The following TMEM217B variants were observed in gnomAD, a reference collection of about 807,000 sequenced individuals.
The protein encoded by TMEM217B is putative transmembrane protein 217B.
chr6:37,218,379 C>G, the TMEM217B span: 1 of 1,436,638 alleles, frequency 7.0e-7, no homozygotes, highest in Non-Finnish European at 9.4e-7. Context: ...CCATGGCTGC[C>G]AAGGCCAGGC....
the TMEM217B span, among the ~76,000 whole-genome samples, chr6:37,222,388 G>A: frequency 9.2e-5 from 14 of 152,240 alleles, no homozygotes; most frequent in Admixed American, 9.2e-4. Flanking sequence ...GAGAGGCCAG[G>A]CAGCGGGAGC....
chr6:37,228,896 C>CCGA, the TMEM217B span, among the ~76,000 whole-genome samples: 3 of 151,444 alleles, frequency 2.0e-5, no homozygotes. Context: ...ACTCAGGAGG[C>CCGA]CGAGGCAGGA....
chr6:37,243,668 G>A, the TMEM217B span, among the ~76,000 whole-genome samples: 3 of 152,030 alleles, frequency 2.0e-5, no homozygotes, highest in African/African-American at 7.2e-5. Flanking sequence ...GCATGATCTC[G>A]GCTCACTGCA....
the TMEM217B span, among the ~76,000 whole-genome samples, chr6:37,230,036 G>T: frequency 1.8e-3 from 281 of 152,320 alleles, 1 homozygote; most frequent in Middle Eastern, 6.8e-3. Context: ...GTAGAACAAA[G>T]ATCCCTACTT....
At chr6:37,214,107 TA>T in the TMEM217B span, among the ~76,000 whole-genome samples, 1 of 152,186 alleles carries the variant, frequency 6.6e-6, no homozygotes, top group African/African-American at 2.4e-5. Context: ...CCAAATACAG[TA>T]AAATATACAG....
the TMEM217B span, chr6:37,218,121 A>G: frequency 9.8e-4 from 1,029 of 1,052,848 alleles, 10 homozygotes; most frequent in African/African-American, 0.015. Context: ...TCTTATGGGA[A>G]AGAAAAGGGC....
the TMEM217B span, among the ~76,000 whole-genome samples, chr6:37,216,287 C>T: frequency 2.9e-4 from 44 of 152,064 alleles, no homozygotes; most frequent in African/African-American, 9.4e-4. Flanking sequence ...CCATGTTGGC[C>T]AGGCTGGTCT....
chr6:37,234,028 T>C, the TMEM217B span, among the ~76,000 whole-genome samples: 1 of 152,166 alleles, frequency 6.6e-6, no homozygotes, highest in East Asian at 1.9e-4. Context: ...AGTAGGCTAA[T>C]GTAAGTGTTC....
chr6:37,215,114 C>G, the TMEM217B span: 11 of 1,568,514 alleles, frequency 7.0e-6, no homozygotes, highest in South Asian at 1.3e-4. Flanking sequence ...GCACCTCTCT[C>G]TTGGGTCACT....
the TMEM217B span, among the ~76,000 whole-genome samples, chr6:37,227,350 T>C: frequency 6.6e-6 from 1 of 152,230 alleles, no homozygotes; most frequent in Non-Finnish European, 1.5e-5. Context: ...TTTCTCTCTC[T>C]TTCCTAGTTC....
the TMEM217B span, among the ~76,000 whole-genome samples, chr6:37,237,985 T>G: frequency 0.011 from 1,740 of 152,224 alleles, 37 homozygotes; most frequent in African/African-American, 0.039. Context: ...AGATGCAAAT[T>G]GCTGACCAGA....
At chr6:37,228,262 G>C in the TMEM217B span, among the ~76,000 whole-genome samples, 1 of 152,190 alleles carries the variant, frequency 6.6e-6, no homozygotes. Context: ...AAAGTTACTA[G>C]GGAGTAGTAG....
the TMEM217B span, chr6:37,212,938 C>G: frequency 2.6e-6 from 4 of 1,550,076 alleles, no homozygotes; most frequent in African/African-American, 5.5e-5. Flanking sequence ...AGAGAAGATG[C>G]CCACCATGAG....
At chr6:37,246,968 C>G in the TMEM217B span, among the ~76,000 whole-genome samples, 1 of 151,812 alleles carries the variant, frequency 6.6e-6, no homozygotes, top group East Asian at 1.9e-4. Flanking sequence ...CAGTACCTAT[C>G]AGGCATGGTT....
the TMEM217B span, among the ~76,000 whole-genome samples, chr6:37,250,316 G>A: frequency 1.3e-5 from 2 of 151,992 alleles, no homozygotes; most frequent in African/African-American, 4.8e-5. Context: ...TAAGGTATTG[G>A]TAATATCCTG....
At chr6:37,228,636 G>A in the TMEM217B span, among the ~76,000 whole-genome samples, 33 of 152,062 alleles carry the variant, frequency 2.2e-4, no homozygotes, top group African/African-American at 7.0e-4. Flanking sequence ...CCTGGGAGGC[G>A]GAGGTTGCAG....
At chr6:37,246,458 C>A in the TMEM217B span, among the ~76,000 whole-genome samples, 1 of 152,120 alleles carries the variant, frequency 6.6e-6, no homozygotes, top group Non-Finnish European at 1.5e-5. Flanking sequence ...ATTCCACTGG[C>A]CAGAAGTCTT....
chr6:37,249,659 T>G, the TMEM217B span, among the ~76,000 whole-genome samples: 1 of 152,162 alleles, frequency 6.6e-6, no homozygotes, highest in African/African-American at 2.4e-5. Context: ...AGACTAAGAT[T>G]TCTACTTTTC....
At chr6:37,257,580 T>A in the TMEM217B span, 1 of 372,590 alleles carries the variant, frequency 2.7e-6, no homozygotes, top group Non-Finnish European at 4.9e-6. Flanking sequence ...GCTTCTTCCC[T>A]CTCGCGGGTA....
Sources: gnomAD v4.1 joint callset for allele counts (sites outside exome capture counted in the v4.1 genomes callset) on GRCh38, gnomAD v4.1.1 for gene constraint, MANE v1.5 for transcripts, NCBI Gene and HGNC (gene_info 2026-07-23, HGNC 2026-07-21) for gene names.